Variants in ME1 observed in about 807,000 individuals in gnomAD.
ME1 encodes malic enzyme 1, also known as NADP-dependent malic enzyme.
A neutral mutation model predicts 66.4 loss-of-function variants in ME1; 74 were observed. The ratio of observed to expected loss-of-function variants is 1.11; its 90% CI spans 0.92 to 1.35. The LOEUF (loss-of-function observed/expected upper bound fraction) is 1.35, where lower values mean the gene tolerates loss of function less well. Among genes scored for constraint, ME1 ranks in the 40% most tolerant of loss-of-function variants. The pLI, the probability that ME1 is intolerant of heterozygous loss-of-function variation, is 0.00. For synonymous variants in ME1, 251 were observed against 235.6 expected (o/e 1.07, Z -0.60); for missense variants, 750 against 694.1 (o/e 1.08, Z -0.90).
intron 3 of ME1, among the ~76,000 whole-genome samples, chr6:83,397,615 A>G (rs1769762330): frequency 6.6e-6 from 1 of 152,216 alleles, no homozygotes; most frequent in African/African-American, 2.4e-5. Flanking sequence ...TAGTAATAAC[A>G]CTACTGGGTA....
At chr6:83,237,033 GTTT>G (rs11451018) in intron 9 of ME1, among the ~76,000 whole-genome samples, 48 of 145,158 alleles carry the variant, frequency 3.3e-4, no homozygotes, top group East Asian at 8.1e-4. Context: ...AAGCTGTACA[GTTT>G]TTTTTTTTTT....
intron 6 of ME1, among the ~76,000 whole-genome samples, chr6:83,269,461 T>C (rs1012816200): frequency 6.6e-6 from 1 of 152,166 alleles, no homozygotes; most frequent in Non-Finnish European, 1.5e-5. Context: ...GTTAGTTTAC[T>C]TTAGTGGAGG....
intron 6 of ME1, among the ~76,000 whole-genome samples, chr6:83,293,493 T>C (rs1199128056): frequency 6.6e-6 from 1 of 152,232 alleles, no homozygotes. Context: ...CTTTAGATAT[T>C]GCATATGTGT....
At chr6:83,232,084 T>C (rs1264464970) in intron 9 of ME1, among the ~76,000 whole-genome samples, 2 of 152,178 alleles carry the variant, frequency 1.3e-5, no homozygotes, top group Admixed American at 6.6e-5. Context: ...CAGCCCAGGA[T>C]AGGAATAAGT....
intron 3 of ME1, among the ~76,000 whole-genome samples, chr6:83,392,198 G>A (rs1275298305): frequency 6.6e-6 from 1 of 150,978 alleles, no homozygotes; most frequent in Non-Finnish European, 1.5e-5. Flanking sequence ...GAAGGCTGGA[G>A]TCAACAGATT....
chr6:83,376,503 A>G (rs1046727638), intron 3 of ME1, among the ~76,000 whole-genome samples: 9 of 151,762 alleles, frequency 5.9e-5, no homozygotes, highest in East Asian at 1.9e-4. Context: ...CAAAAAAAAA[A>G]AAAAAGAAAA....
chr6:83,358,566 G>A (rs1768944558), intron 3 of ME1, among the ~76,000 whole-genome samples: 1 of 152,190 alleles, frequency 6.6e-6, no homozygotes. Flanking sequence ...AAAGGTGCAT[G>A]CACAGCCTTG....
At chr6:83,229,111 T>C in intron 9 of ME1, 180 bp from the exon 10 acceptor site, 1 of 616,948 alleles carries the variant, frequency 1.6e-6, no homozygotes, top group East Asian at 2.9e-5. Context: ...TTAACAAATA[T>C]TTATATGTCA....
chr6:83,241,045 C>CA (rs1289178542), intron 7 of ME1, among the ~76,000 whole-genome samples: 1 of 151,892 alleles, frequency 6.6e-6, no homozygotes, highest in East Asian at 1.9e-4. Context: ...AAAATCTATG[C>CA]AAAAAATATG....
intron 11 of ME1, among the ~76,000 whole-genome samples, chr6:83,225,200 C>A: frequency 1.9e-5 from 2 of 104,440 alleles, no homozygotes; most frequent in East Asian, 2.9e-4. Context: ...AGCGAGACTC[C>A]ATCTCAAAAA....
chr6:83,372,574 T>C (rs1460723235), intron 3 of ME1, among the ~76,000 whole-genome samples: 2 of 152,206 alleles, frequency 1.3e-5, no homozygotes, highest in African/African-American at 2.4e-5. Flanking sequence ...CTATCTCAAG[T>C]TGCTATTGGC....
At chr6:83,236,920 C>T (rs1024586060) in intron 9 of ME1, among the ~76,000 whole-genome samples, 1 of 151,912 alleles carries the variant, frequency 6.6e-6, no homozygotes, top group African/African-American at 2.4e-5. Flanking sequence ...CTAAACTGGC[C>T]AAGTGCAGTG....
chr6:83,307,253 A>T (rs1767842285), intron 6 of ME1, among the ~76,000 whole-genome samples: 1 of 152,080 alleles, frequency 6.6e-6, no homozygotes, highest in Non-Finnish European at 1.5e-5. Flanking sequence ...AGAATGGTAT[A>T]AATAGAAATA....
chr6:83,340,757 A>G (rs1344622520), intron 5 of ME1, among the ~76,000 whole-genome samples: 1 of 151,838 alleles, frequency 6.6e-6, no homozygotes, highest in Non-Finnish European at 1.5e-5. Flanking sequence ...TGTCAATTTT[A>G]GTATGCTCTG....
At chr6:83,287,461 T>C (rs1348262438) in intron 6 of ME1, among the ~76,000 whole-genome samples, 1 of 152,132 alleles carries the variant, frequency 6.6e-6, no homozygotes, top group Non-Finnish European at 1.5e-5. Context: ...GCTTCATCCA[T>C]GTCCCTGCAA....
chr6:83,376,700 G>A (rs1484567796), intron 3 of ME1, among the ~76,000 whole-genome samples: 71 of 149,638 alleles, frequency 4.7e-4, no homozygotes, highest in African/African-American at 1.6e-3. Context: ...CTTCTTGGGA[G>A]ACTGAGGCAG....
chr6:83,328,048 A>G (rs1768335518), intron 5 of ME1, among the ~76,000 whole-genome samples: 1 of 152,246 alleles, frequency 6.6e-6, no homozygotes, highest in African/African-American at 2.4e-5. Context: ...TCACAACAGC[A>G]AAGACTTGGA....
At chr6:83,308,805 A>G (rs1044673758) in intron 6 of ME1, among the ~76,000 whole-genome samples, 4 of 151,972 alleles carry the variant, frequency 2.6e-5, no homozygotes, top group Non-Finnish European at 5.9e-5. Context: ...CAAATATGTC[A>G]GATATTTATA....
At chr6:83,259,051 T>C (rs1473031572) in intron 6 of ME1, among the ~76,000 whole-genome samples, 2 of 152,218 alleles carry the variant, frequency 1.3e-5, no homozygotes, top group East Asian at 3.9e-4. Flanking sequence ...AATCTTTCTT[T>C]GATTATAACT....
Sources: allele counts gnomAD v4.1 joint callset (sites outside exome capture counted in the v4.1 genomes callset), GRCh38; gene constraint gnomAD v4.1.1; transcripts MANE v1.5; gene names NCBI Gene and HGNC (gene_info 2026-07-23, HGNC 2026-07-21).